Variants in DNAH11 observed in about 807,000 individuals in gnomAD.
DNAH11 encodes dynein axonemal heavy chain 11.
In DNAH11, 442 loss-of-function variants were observed where a neutral mutation model predicts 526.0. That is an observed-to-expected ratio of 0.84 (90% CI 0.78 to 0.91). The LOEUF (loss-of-function observed/expected upper bound fraction) is 0.91, where lower values mean the gene tolerates loss of function less well. DNAH11 is among the 40% of genes least tolerant of loss of function. The pLI is 0.00. For synonymous variants in DNAH11, 2,461 were observed against 1,935.9 expected (o/e 1.27, Z -7.12); for missense variants, 6,989 against 5,448.7 (o/e 1.28, Z -8.90).
At chr7:21,646,039 A>G (rs536155158) in intron 28 of DNAH11, among the ~76,000 whole-genome samples, 3 of 152,342 alleles carry the variant, frequency 2.0e-5, no homozygotes, top group Middle Eastern at 3.4e-3. Context: ...GGTGTTGGCA[A>G]TGCAAACAAA....
chr7:21,856,997 G>A (rs1439850938), intron 68 of DNAH11, among the ~76,000 whole-genome samples: 1 of 152,164 alleles, frequency 6.6e-6, no homozygotes, highest in Non-Finnish European at 1.5e-5. Context: ...TAAGACAATA[G>A]AAGGCAAGAG....
intron 68 of DNAH11, among the ~76,000 whole-genome samples, chr7:21,858,258 G>C (rs1782929562): frequency 1.3e-5 from 2 of 152,174 alleles, no homozygotes; most frequent in Non-Finnish European, 1.5e-5. Context: ...TGGTACTACA[G>C]CTCTCTCACA....
intron 30 of DNAH11, among the ~76,000 whole-genome samples, chr7:21,670,983 T>C (rs934044603): frequency 1.3e-5 from 2 of 152,162 alleles, no homozygotes; most frequent in Non-Finnish European, 2.9e-5. Context: ...TTTCTTTTTC[T>C]ATGATATCTT....
At chr7:21,690,098 T>C (rs940205368) in intron 34 of DNAH11, among the ~76,000 whole-genome samples, 2 of 152,242 alleles carry the variant, frequency 1.3e-5, no homozygotes, top group Admixed American at 6.5e-5. Context: ...ATTATACTTT[T>C]ACCCATTTAT....
intron 2 of DNAH11, among the ~76,000 whole-genome samples, chr7:21,557,400 C>A (rs1054067877): frequency 3.3e-5 from 5 of 152,142 alleles, no homozygotes; most frequent in African/African-American, 4.8e-5. Context: ...TCTCACAGTT[C>A]TGGAGCTGGA....
In DNAH11 at chr7:21,738,792, C is replaced by T. The variant is rs1189706628; in HGVS notation, c.7737C>T (p.Asn2579=). The change falls in exon 47 of 82, where the codon AAC becomes AAT. Residue 2579 remains asparagine (N), a synonymous_variant. Transcript: ENST00000409508. ...TGATTTATTTTATCGACGACATGAACATGCCTGAAGTGGACTTATATGGCA... is the reference window on the plus strand; with the variant it reads ...TGATTTATTTTATCGACGACATGAATATGCCTGAAGTGGACTTATATGGCA... ...KKLIYFIDDM[N]MPEVDLYGTV... 2 of 1,601,178 alleles carry T rather than the reference C, an allele frequency of 1.2e-6. No homozygotes were observed. The highest frequency in any genetic ancestry group is 1.7e-6 in the Non-Finnish European group (2 of 1,173,398).
At chr7:21,673,222 AG>A (rs1375144751) in intron 30 of DNAH11, among the ~76,000 whole-genome samples, 2 of 152,218 alleles carry the variant, frequency 1.3e-5, no homozygotes, top group African/African-American at 4.8e-5. Context: ...AAGAAGGTTT[AG>A]TATTTGTAAA....
chr7:21,855,855 C>G (rs1782827637), intron 68 of DNAH11, among the ~76,000 whole-genome samples: 1 of 152,030 alleles, frequency 6.6e-6, no homozygotes, highest in Non-Finnish European at 1.5e-5. Context: ...GATATAGTTC[C>G]ACCTTTATGA....
At chr7:21,742,813 TTGTC>T (rs1785968344) in intron 49 of DNAH11, among the ~76,000 whole-genome samples, 3 of 152,208 alleles carry the variant, frequency 2.0e-5, no homozygotes, top group Admixed American at 2.0e-4. Flanking sequence ...TATAATGTCT[TTGTC>T]TGCGCTTCCG....
At chr7:21,866,945 G>T (rs1783305129) in intron 71 of DNAH11, among the ~76,000 whole-genome samples, 1 of 152,214 alleles carries the variant, frequency 6.6e-6, no homozygotes, top group Non-Finnish European at 1.5e-5. Context: ...ATGGGTGTCA[G>T]CAGAGTTCAG....
chr7:21,615,274 T>C lies in DNAH11; in HGVS notation c.4011+2T>C, dbSNP rs762972411. 6.2e-7 allele frequency: 1 copy of C among 1,609,068 alleles called. No homozygotes were observed. Among genetic ancestry groups the C allele is most frequent in the Non-Finnish European group, 8.5e-7 (1 of 1,177,494 alleles). On this transcript the variant is annotated splice_donor_variant, in intron 21 of 81. Transcript: ENST00000409508. LOFTEE classifies it high-confidence loss of function. Reference sequence around the variant, plus strand: ...TGGGATGTCATTATTTATGTTCGAGTAAGATGTGCTTTTTCAAAACATGCT... The same window carrying C: ...TGGGATGTCATTATTTATGTTCGAGCAAGATGTGCTTTTTCAAAACATGCT...
chr7:21,798,911 T>C (rs1269967440), intron 61 of DNAH11, among the ~76,000 whole-genome samples: 1 of 152,148 alleles, frequency 6.6e-6, no homozygotes, highest in African/African-American at 2.4e-5. Flanking sequence ...AGCTTATTAA[T>C]ATTAAATAAA....
intron 61 of DNAH11, among the ~76,000 whole-genome samples, chr7:21,796,521 AATG>A (rs1788719972): frequency 6.6e-6 from 1 of 152,196 alleles, no homozygotes; most frequent in Admixed American, 6.5e-5. Context: ...CTGGGTACAG[AATG>A]ATGATATCTG....
chr7:21,659,140 A>AC, intron 30 of DNAH11, 109 bp downstream of exon 30: 1 of 934,042 alleles, frequency 1.1e-6, no homozygotes, highest in Non-Finnish European at 1.6e-6. Flanking sequence ...TGTGCAAAAT[A>AC]CTATGCTGGG....
chr7:21,776,942 G>A (rs1018340069), intron 56 of DNAH11, among the ~76,000 whole-genome samples: 1 of 137,038 alleles, frequency 7.3e-6, no homozygotes, highest in East Asian at 3.5e-4. Context: ...GTACGTGTGT[G>A]TGTGTGTGTG....
intron 61 of DNAH11, among the ~76,000 whole-genome samples, chr7:21,792,552 T>C (rs1158343563): frequency 1.3e-5 from 2 of 152,200 alleles, no homozygotes. Flanking sequence ...AGACTTTTTA[T>C]TATTGCTTCA....
intron 48 of DNAH11, 59 bp downstream of exon 48, chr7:21,739,732 A>G (rs986196381): frequency 6.8e-6 from 9 of 1,317,680 alleles, no homozygotes; most frequent in Non-Finnish European, 8.6e-6. Flanking sequence ...GTTTTCGAGT[A>G]CAGCTTAGGA....
At chr7:21,769,282 A>G (rs906231021) in intron 55 of DNAH11, among the ~76,000 whole-genome samples, 3 of 152,172 alleles carry the variant, frequency 2.0e-5, no homozygotes, top group Admixed American at 2.0e-4. Context: ...TAGGGTCCAG[A>G]CTTTGTAGCT....
rs771608078 is a variant in DNAH11 at position 21,765,425 on chromosome 7, C to T, written c.8941-3C>T. The T allele has an allele frequency of 1.9e-6, 3 of 1,613,628 alleles. No homozygotes were observed. In the Admixed American group the frequency reaches 5.0e-5, roughly 27 times the overall value. ...TTTCTGCCTTGCCCCCATGTCTCCA[C>T]AGATCATTTTGTGTTTCTCTCCAGT... is the stretch of plus-strand genomic sequence containing the variant. On this transcript the variant is annotated splice_region_variant and splice_polypyrimidine_tract_variant and intron_variant, in intron 54 of 81. Transcript: ENST00000409508.
Sources: allele counts gnomAD v4.1 joint callset (sites outside exome capture counted in the v4.1 genomes callset), GRCh38; gene constraint gnomAD v4.1.1; transcripts MANE v1.5; gene names NCBI Gene and HGNC (gene_info 2026-07-23, HGNC 2026-07-21).